SH3BGRL2: variants seen among roughly 807,000 people sequenced by gnomAD.
SH3BGRL2 encodes SH3 domain-binding glutamic acid-rich-like protein 2.
Under a neutral mutation model 14.8 loss-of-function variants are expected in SH3BGRL2, and 21 were observed. That is an observed-to-expected ratio of 1.42 (90% CI 1.01 to 2.05). SH3BGRL2 has a LOEUF of 2.05. Among genes scored for constraint, SH3BGRL2 ranks in the 30% most tolerant of loss-of-function variants. The pLI, the probability that SH3BGRL2 is intolerant of heterozygous loss-of-function variation, is 0.00. For synonymous variants in SH3BGRL2, 50 were observed against 47.8 expected (o/e 1.05, Z -0.19); for missense variants, 147 against 130.8 (o/e 1.12, Z -0.61).
the SH3BGRL2 span, among the ~76,000 whole-genome samples, chr6:79,550,382 G>A: frequency 6.6e-6 from 1 of 152,114 alleles, no homozygotes; most frequent in African/African-American, 2.4e-5. Context: ...CAGCCATGGA[G>A]TTTACTAAGC....
At chr6:79,651,412 A>C (rs1769292177) in intron 1 of SH3BGRL2, among the ~76,000 whole-genome samples, 1 of 152,174 alleles carries the variant, frequency 6.6e-6, no homozygotes, top group African/African-American at 2.4e-5. Context: ...ATAAACATAC[A>C]ATCTTGACAG....
Position 79,657,622 on chromosome 6 carries a change from A to AT in SH3BGRL2, c.46-15981dup, listed in dbSNP as rs928394035. Among the ~76,000 whole-genome samples the AT allele has an allele frequency of 3.5e-3, 517 of 149,078 alleles. 1 individual carries two copies. Among genetic ancestry groups the AT allele is most frequent in the Middle Eastern group, 0.014 (4 of 284 alleles). ...TTTATAGACTTGTTAATTTTTTTTA[A>AT]TTTTTTTTTTTGAGGCGGAGTTTCG... On this transcript the variant is annotated intron_variant, in intron 1 of 3. Coordinates refer to ENST00000369838, the MANE Select transcript of SH3BGRL2 (RefSeq NM_031469.4).
At chr6:79,658,466 G>A (rs947210708) in intron 1 of SH3BGRL2, among the ~76,000 whole-genome samples, 5 of 152,132 alleles carry the variant, frequency 3.3e-5, no homozygotes, top group Admixed American at 6.5e-5. Flanking sequence ...TGCAAAGCAC[G>A]TGAACTCATC....
At position 79,661,516 on chromosome 6, in the gene SH3BGRL2, TC is replaced by T. The variant is rs1308505036; in HGVS notation, c.46-12097del. Among the ~76,000 whole-genome samples, 3 of 152,214 alleles carry T rather than the reference TC, an allele frequency of 2.0e-5. No homozygotes were observed. The East Asian group carries it at 5.8e-4, about 29-fold the overall frequency. On this transcript the variant is annotated intron_variant, in intron 1 of 3. Transcript: ENST00000369838. ...AGAGACCGTTTGTTGTGATTTCTGTTCTTTTATATTGGCTGAGGAGTGCTTT... is the reference window on the plus strand; with the variant it reads ...AGAGACCGTTTGTTGTGATTTCTGTTTTTTATATTGGCTGAGGAGTGCTTT...
At chr6:79,587,743 C>G in the SH3BGRL2 span, among the ~76,000 whole-genome samples, 6 of 152,158 alleles carry the variant, frequency 3.9e-5, no homozygotes, top group Admixed American at 2.0e-4. Context: ...ACACATTTTA[C>G]TTGATGTCAA....
rs1270286597 is a variant in SH3BGRL2 at position 79,700,408 on chromosome 6, T to C, written c.*899T>C. On this transcript the variant is annotated 3_prime_UTR_variant, in exon 4 of 4. Transcript: ENST00000369838. The stretch of plus-strand genomic sequence containing the variant: ...TAACAGACAGCTGCTGCTTCTATTT[T>C]GTGAAGGGACTATATTTTTTGAGAA... The C allele has an allele frequency of 6.6e-6, 1 of 152,212 alleles. No individual in the cohort carries two copies. Among genetic ancestry groups the C allele is most frequent in the Non-Finnish European group, 1.5e-5 (1 of 68,046 alleles). 9.4% of individuals were successfully genotyped at this position (152,212 alleles called of 1,614,324 possible).
At chr6:79,573,219 C>A in the SH3BGRL2 span, among the ~76,000 whole-genome samples, 6 of 151,628 alleles carry the variant, frequency 4.0e-5, no homozygotes, top group African/African-American at 1.5e-4. Flanking sequence ...TGTATAGATA[C>A]CCATCATCTC....
At chr6:79,588,407 T>G in the SH3BGRL2 span, among the ~76,000 whole-genome samples, 78 of 152,236 alleles carry the variant, frequency 5.1e-4, 2 homozygotes, top group East Asian at 0.014. Flanking sequence ...GGATTCATCT[T>G]GCTGTTAACT....
intron 1 of SH3BGRL2, among the ~76,000 whole-genome samples, chr6:79,642,621 G>A (rs560387921): frequency 1.1e-3 from 162 of 152,234 alleles, no homozygotes; most frequent in African/African-American, 3.6e-3. Context: ...CTTATGCCAC[G>A]TATTTGCCAT....
intron 1 of SH3BGRL2, among the ~76,000 whole-genome samples, chr6:79,666,558 G>A (rs1385433713): frequency 6.6e-6 from 1 of 152,046 alleles, no homozygotes; most frequent in African/African-American, 2.4e-5. Context: ...GTATATTTGA[G>A]GTACCCTACT....
At chr6:79,645,473 G>C (rs1253851058) in intron 1 of SH3BGRL2, among the ~76,000 whole-genome samples, 1 of 152,154 alleles carries the variant, frequency 6.6e-6, no homozygotes, top group Admixed American at 6.5e-5. Flanking sequence ...ACTGAGTAGT[G>C]ATGCCCCCTT....
chr6:79,600,861 CCTTT>C, the SH3BGRL2 span, among the ~76,000 whole-genome samples: 1 of 152,054 alleles, frequency 6.6e-6, no homozygotes, highest in Non-Finnish European at 1.5e-5. Flanking sequence ...ACCCAGTTGC[CCTTT>C]CTATTAATAA....
chr6:79,653,368 C>T lies in SH3BGRL2; in HGVS notation c.46-20246C>T, dbSNP rs181843970. ...TCTGTGGTTTCAGTCTTTAAATCAT[C>T]TGATTATCTCCACTTAGGAACCTTT... On this transcript the variant is annotated intron_variant, in intron 1 of 3. Coordinates refer to ENST00000369838, the MANE Select transcript of SH3BGRL2 (RefSeq NM_031469.4). Among the ~76,000 whole-genome samples the T allele has an allele frequency of 2.4e-3, 359 of 152,206 alleles. 2 individuals are homozygous for T. The highest frequency in any genetic ancestry group is 3.5e-3 in the Non-Finnish European group (239 of 68,016).
At chr6:79,596,870 A>G in the SH3BGRL2 span, among the ~76,000 whole-genome samples, 1 of 152,210 alleles carries the variant, frequency 6.6e-6, no homozygotes, top group African/African-American at 2.4e-5. Context: ...TGGAAAATTC[A>G]TACCTCCCAA....
At chr6:79,563,834 G>A in the SH3BGRL2 span, among the ~76,000 whole-genome samples, 19,586 of 152,168 alleles carry the variant, frequency 0.13, 1,420 homozygotes, top group African/African-American at 0.16. Flanking sequence ...CTATATATTG[G>A]AGTGATACAA....
At chr6:79,578,545 G>C in the SH3BGRL2 span, among the ~76,000 whole-genome samples, 1 of 149,112 alleles carries the variant, frequency 6.7e-6, no homozygotes. Context: ...CAACAGATCT[G>C]CAGCTGAGGG....
Position 79,673,528 on chromosome 6 carries a change from A to G in SH3BGRL2, c.46-86A>G, listed in dbSNP as rs190674605. ...ATAAATCACCTCTTTTTTTGTATCAATGACATAAATCTAGTTCAGTTTGGA... is the reference window on the plus strand; with the variant it reads ...ATAAATCACCTCTTTTTTTGTATCAGTGACATAAATCTAGTTCAGTTTGGA... On this transcript the variant is annotated intron_variant, in intron 1 of 3. Transcript: ENST00000369838. The G allele has an allele frequency of 1.3e-4, 172 of 1,341,888 alleles. No homozygotes were observed. In the African/African-American group the frequency reaches 1.8e-3, roughly 14 times the overall value. The allele number at this position is 1,341,888 out of a possible 1,614,324, so 83.1% of individuals were successfully genotyped here.
intron 2 of SH3BGRL2, among the ~76,000 whole-genome samples, chr6:79,675,970 C>A (rs979399262): frequency 6.6e-6 from 1 of 152,056 alleles, no homozygotes; most frequent in African/African-American, 2.4e-5. Flanking sequence ...CTAGAAGCTG[C>A]GTGTGTGTCT....
At chr6:79,635,581 T>A (rs1228958441) in intron 1 of SH3BGRL2, among the ~76,000 whole-genome samples, 1 of 152,252 alleles carries the variant, frequency 6.6e-6, no homozygotes, top group Non-Finnish European at 1.5e-5. Context: ...GTTCAGAGAC[T>A]TGAGATGCAA....
Sources: allele counts gnomAD v4.1 joint callset (sites outside exome capture counted in the v4.1 genomes callset), GRCh38; gene constraint gnomAD v4.1.1; transcripts MANE v1.5; gene names NCBI Gene and HGNC (gene_info 2026-07-23, HGNC 2026-07-21).